Variants in PHF20 observed in about 807,000 individuals in gnomAD.
PHF20 encodes the protein PHD finger protein 20, also known as glioma-expressed antigen 2.
PHF20 carries 23 observed loss-of-function variants against 113.5 expected under a neutral mutation model. The observed-to-expected ratio is 0.20, with a 90% CI of 0.15 to 0.29. The LOEUF (loss-of-function observed/expected upper bound fraction) is 0.29. PHF20 is among the 10% of genes least tolerant of loss of function. The pLI is 1.00. For synonymous variants in PHF20, 434 were observed against 457.3 expected (o/e 0.95, Z 0.65); for missense variants, 943 against 1,219.6 (o/e 0.77, Z 3.38).
chr20:35,927,939 C>A, intron 14 of PHF20, 60 bp downstream of exon 14: 1 of 1,161,584 alleles, frequency 8.6e-7, no homozygotes, highest in Non-Finnish European at 1.3e-6. Flanking sequence ...GCACAGCTGG[C>A]TGTGACACAT....
chr20:35,858,892 GA>G (rs2042886011), intron 5 of PHF20, among the ~76,000 whole-genome samples: 1 of 152,148 alleles, frequency 6.6e-6, no homozygotes, highest in African/African-American at 2.4e-5. Flanking sequence ...TTTTAACAGA[GA>G]TTTTTTTTCA....
chr20:35,813,780 C>G (rs1192039978), intron 2 of PHF20, among the ~76,000 whole-genome samples: 1 of 151,770 alleles, frequency 6.6e-6, no homozygotes. Context: ...ATTGTTTGAG[C>G]CTGGGAGGTG....
Position 35,899,551 on chromosome 20 carries a change from C to G in PHF20, c.1464C>G (p.Ser488Arg). The G allele has an allele frequency of 6.2e-7, 1 of 1,614,048 alleles. No individual in the cohort carries two copies. Among genetic ancestry groups the G allele is most frequent in the East Asian group, 2.2e-5 (1 of 44,880 alleles). Residue 488 changes from serine (S) to arginine (R), a missense_variant, in exon 10 of 18, where the codon AGC becomes AGG. Coordinates refer to ENST00000374012, the MANE Select transcript of PHF20 (RefSeq NM_016436.5). The stretch of plus-strand genomic sequence containing the variant: ...AGAAGTCACTGGAGCCAGAAGAGAG[C>G]CCGGGAAAGAGGCATGTCCAAACCA... Reference protein sequence around the residue: ...GMEKSLEPEESPGKRHVQTRG... With the variant: ...GMEKSLEPEERPGKRHVQTRG...
intron 3 of PHF20, among the ~76,000 whole-genome samples, chr20:35,844,640 T>C (rs1350132227): frequency 6.9e-6 from 1 of 145,058 alleles, no homozygotes; most frequent in Non-Finnish European, 1.5e-5. Context: ...AGATATCGAG[T>C]CCAAAGAGGG....
intron 4 of PHF20, among the ~76,000 whole-genome samples, chr20:35,850,147 G>C (rs1039744726): frequency 6.6e-6 from 1 of 151,988 alleles, no homozygotes. Context: ...CGAAGGCAGC[G>C]GCAGTTGGTA....
chr20:35,875,195 C>G (rs936596360), intron 9 of PHF20, among the ~76,000 whole-genome samples: 1 of 151,828 alleles, frequency 6.6e-6, no homozygotes, highest in African/African-American at 2.4e-5. Flanking sequence ...GTCAGGAATT[C>G]GAGACCAGCC....
chr20:35,807,202 T>G (rs908834464), intron 2 of PHF20, among the ~76,000 whole-genome samples: 1 of 152,156 alleles, frequency 6.6e-6, no homozygotes, highest in Non-Finnish European at 1.5e-5. Flanking sequence ...ATAAAAAGTT[T>G]TCATTCATGA....
chr20:35,775,511 C>G (rs1173199623), intron 1 of PHF20, among the ~76,000 whole-genome samples: 1 of 152,014 alleles, frequency 6.6e-6, no homozygotes, highest in Non-Finnish European at 1.5e-5. Context: ...AATCCCAGCA[C>G]TTTGGGAGCT....
At chr20:35,839,192 C>T in intron 2 of PHF20, among the ~76,000 whole-genome samples, 1 of 151,534 alleles carries the variant, frequency 6.6e-6, no homozygotes, top group East Asian at 1.9e-4. Flanking sequence ...AGATCGAGAC[C>T]ATCCTGGCTA....
rs750368021 is a variant in PHF20 at position 35,947,586 on chromosome 20, C to T, written c.2998C>T (p.Leu1000=). 2 of 1,614,098 alleles carry T rather than the reference C, an allele frequency of 1.2e-6. No individual in the cohort carries two copies. The highest frequency in any genetic ancestry group is 1.7e-6 in the Non-Finnish European group (2 of 1,180,010). ...KHCIKQLLMD[L]GKVQQIALCC... is the part of the protein sequence containing the mutation. ...TTGTATCAAGCAGCTGCTGATGGACCTGGGCAAGGTGCAGCAGATCGCCCT... is the reference window on the plus strand; with the variant it reads ...TTGTATCAAGCAGCTGCTGATGGACTTGGGCAAGGTGCAGCAGATCGCCCT... The change falls in exon 18 of 18, where the codon CTG becomes TTG. Residue 1000 remains leucine (L), a synonymous_variant. Transcript: ENST00000374012.
Position 35,927,769 on chromosome 20 carries a change from A to T in PHF20, c.2005-11A>T. ...TGAGTTTAATTTTTGTTGCTTCTTT[A>T]ATTCTAACAGTGTGAAGAGTGCCAG... On this transcript the variant is annotated splice_polypyrimidine_tract_variant and intron_variant, in intron 13 of 17. Coordinates refer to ENST00000374012, the MANE Select transcript of PHF20 (RefSeq NM_016436.5). The T allele has an allele frequency of 6.2e-7, 1 of 1,602,368 alleles. No individual in the cohort carries two copies. Among genetic ancestry groups the T allele is most frequent in the Non-Finnish European group, 8.6e-7 (1 of 1,169,370 alleles).
At chr20:35,854,030 A>C (rs2042785372) in intron 4 of PHF20, among the ~76,000 whole-genome samples, 2 of 152,190 alleles carry the variant, frequency 1.3e-5, no homozygotes, top group African/African-American at 4.8e-5. Context: ...CTGGGATTAC[A>C]GGCGTGAGCC....
At chr20:35,921,357 C>T (rs149124769) in intron 13 of PHF20, among the ~76,000 whole-genome samples, 2 of 151,222 alleles carry the variant, frequency 1.3e-5, no homozygotes, top group African/African-American at 2.4e-5. Flanking sequence ...ACCTTAAAAA[C>T]ACACACATTT....
intron 3 of PHF20, among the ~76,000 whole-genome samples, chr20:35,844,403 GTTTTTTTTTTTTGGTT>G (rs1568641800): frequency 7.4e-6 from 1 of 135,044 alleles, no homozygotes; most frequent in African/African-American, 2.8e-5. Flanking sequence ...CGCCCAGCCG[GTTTTTTTTTTTTGGTT>G]TTTTTTTTTT....
intron 17 of PHF20, among the ~76,000 whole-genome samples, chr20:35,945,098 T>A (rs1382821189): frequency 1.3e-5 from 2 of 152,162 alleles, no homozygotes; most frequent in Non-Finnish European, 2.9e-5. Flanking sequence ...AGAGAGAGGG[T>A]TCCTCCTTCT....
intron 7 of PHF20, among the ~76,000 whole-genome samples, chr20:35,869,987 C>G (rs758784662): frequency 6.6e-6 from 1 of 151,760 alleles, no homozygotes; most frequent in Non-Finnish European, 1.5e-5. Flanking sequence ...TGGTGAAACC[C>G]TATCTTTACT....
chr20:35,915,355 A>G (rs992429963), intron 12 of PHF20, among the ~76,000 whole-genome samples: 1 of 150,814 alleles, frequency 6.6e-6, no homozygotes, highest in Non-Finnish European at 1.5e-5. Context: ...TTTAAAATAT[A>G]TATATATATT....
At chr20:35,938,651 G>T in intron 15 of PHF20, 46 bp from the exon 16 acceptor site, 1 of 1,534,344 alleles carries the variant, frequency 6.5e-7, no homozygotes, top group African/African-American at 1.4e-5. Flanking sequence ...CCCCTGCAAT[G>T]GTGCCAGTTA....
chr20:35,897,270 G>A (rs975013253), intron 9 of PHF20, among the ~76,000 whole-genome samples: 1 of 151,838 alleles, frequency 6.6e-6, no homozygotes, highest in Admixed American at 6.6e-5. Flanking sequence ...GAGGATCCTG[G>A]CCTCAAGTGA....
Sources: gnomAD v4.1 joint callset for allele counts (sites outside exome capture counted in the v4.1 genomes callset) on GRCh38, gnomAD v4.1.1 for gene constraint, MANE v1.5 for transcripts, NCBI Gene and HGNC (gene_info 2026-07-23, HGNC 2026-07-21) for gene names.